The following SLC7A3 variants were observed in gnomAD, a reference collection of about 807,000 sequenced individuals.
SLC7A3 encodes solute carrier family 7 member 3, also known as cationic amino acid transporter 3.
A neutral mutation model predicts 33.2 loss-of-function variants in SLC7A3; 3 were observed. That is an observed-to-expected ratio of 0.09 (90% CI 0.04 to 0.23). SLC7A3 has a LOEUF of 0.23. Among genes scored for constraint, SLC7A3 ranks in the 10% least tolerant of loss-of-function variants. SLC7A3 has a pLI of 1.00. For synonymous variants in SLC7A3, 193 were observed against 195.1 expected, an observed-to-expected ratio of 0.99 and a Z score of 0.09; for missense variants, 360 against 488.8, an observed-to-expected ratio of 0.74 and a Z score of 2.48.
intron 3 of SLC7A3, 52 bp from the exon 4 acceptor site, chrX:70,928,685 G>A (rs746666735): frequency 8.8e-7 from 1 of 1,140,156 alleles, no homozygotes; most frequent in Non-Finnish European, 1.2e-6. Context: ...TCCAAGCTTT[G>A]TTTCCCTGCC....
Position 70,929,743 on chromosome X carries a change from C to T in SLC7A3, c.255G>A (p.Ala85=), listed in dbSNP as rs1283941056. ...LSSVLAGLCY[A]EFGARVPRSG... is the part of the protein sequence containing the mutation. The stretch of plus-strand genomic sequence containing the variant: ...AACGGGGAACCCGGGCACCAAACTC[C>T]GCATAGCACAGCCCAGCCAACACAG... The change falls in exon 2 of 12, where the codon GCG becomes GCA. Residue 85 remains alanine, a synonymous_variant. Transcript: ENST00000374299. 8.3e-6 allele frequency: 10 copies of T among 1,211,266 alleles called. No individual in the cohort carries two copies. The highest frequency in any genetic ancestry group is 1.0e-5 in the Non-Finnish European group (9 of 895,246).
intron 1 of SLC7A3, among the ~76,000 whole-genome samples, 152 bp from the exon 2 acceptor site, chrX:70,930,174 AC>A (rs1442958543): frequency 9.0e-6 from 1 of 111,702 alleles, no homozygotes; most frequent in African/African-American, 3.3e-5. Context: ...TTTACCTCTA[AC>A]CTCAGTTTCT....
Position 70,928,465 on chromosome X carries a change from T to A in SLC7A3, c.698A>T (p.Asp233Val), listed in dbSNP as rs372494167. The A allele has an allele frequency of 3.3e-6, 4 of 1,200,274 alleles. No individual in the cohort carries two copies. In the African/African-American group the frequency reaches 7.0e-5, roughly 21 times the overall value. ...AGAGTGACCATCTAACCTATAGGTG[T>A]CATTGAGTTCAGCCATGGCCAATTC... The part of the protein sequence containing the change: ...DYELAMAELN[D>V]TYSLGPLGSG... The change falls in exon 4 of 12, where the codon GAC becomes GTC. Residue 233 changes from aspartate (D) to valine (V), a missense_variant. Asp to Val is a radical substitution (Grantham distance 152). Transcript: ENST00000374299.
Position 70,926,121 on chromosome X carries a change from T to C in SLC7A3, c.1678A>G (p.Met560Val). The C allele has an allele frequency of 8.3e-7, 1 of 1,211,023 alleles. No individual in the cohort carries two copies. The highest frequency in any genetic ancestry group is 2.3e-4 in the Middle Eastern group (1 of 4,355). The change falls in exon 11 of 12, where the codon ATG becomes GTG. Residue 560 changes from methionine (M) to valine (V), a missense_variant. Met to Val is a conservative substitution (Grantham distance 21, BLOSUM62 1). Transcript: ENST00000374299. ...GCCCAGGTACCAGCTGTCATCTGCA[T>C]CATAAGGTAAATATTCACAAAGATG... ...MSIFVNIYLM[M>V]QMTAGTWARF...
Position 70,928,555 on chromosome X carries a change from A to G in SLC7A3, c.608T>C (p.Phe203Ser), listed in dbSNP as rs1322993820. 1.7e-5 allele frequency: 20 copies of G among 1,204,615 alleles called. No individual in the cohort carries two copies. Among genetic ancestry groups the G allele is most frequent in the Non-Finnish European group, 2.2e-5 (20 of 892,676 alleles). The change falls in exon 4 of 12, where the codon TTC becomes TCC. Residue 203 changes from phenylalanine (F) to serine (S), a missense_variant. Physicochemically the swap from Phe to Ser is radical, Grantham distance 155 (BLOSUM62 -2). Coordinates refer to ENST00000374299, the MANE Select transcript of SLC7A3 (RefSeq NM_032803.6). ...CTTAACGAAGCCAGAGATCATGACG[A>G]ACCCAAGAACCAAAAGGTTCACGCC... ...FTGVNLLVLG[F>S]VMISGFVKGD...
intron 9 of SLC7A3, 70 bp downstream of exon 9, chrX:70,926,805 A>G (rs1435449056): frequency 8.5e-7 from 1 of 1,169,854 alleles, no homozygotes; most frequent in Non-Finnish European, 1.1e-6. Flanking sequence ...TTCCTCAGCC[A>G]CCAAATGCCA....
chrX:70,927,683 T>C, intron 6 of SLC7A3, 60 bp from the exon 7 acceptor site: 6 of 1,179,422 alleles, frequency 5.1e-6, no homozygotes, highest in Non-Finnish European at 6.8e-6. Flanking sequence ...CCCAAGACTG[T>C]ATGTTTAAAG....
intron 2 of SLC7A3, 136 bp downstream of exon 2, chrX:70,929,492 C>A (rs763660424): frequency 1.7e-5 from 13 of 777,885 alleles, no homozygotes; most frequent in South Asian, 1.3e-4. Context: ...CACCCCCCCC[C>A]AGACCCCCAG....
Position 70,928,172 on chromosome X carries a change from C to T in SLC7A3, c.793G>A (p.Val265Ile). The change falls in exon 5 of 12, where the codon GTT (valine) becomes ATT (isoleucine). Residue 265 changes from valine to isoleucine, a missense_variant. By Grantham distance (29) the Val-to-Ile change is conservative. Transcript: ENST00000374299. ...RGAATCFYAF[V>I]GFDCIATTGE... The stretch of plus-strand genomic sequence containing the variant: ...GTGGTAGCAATACAGTCGAAACCAA[C>T]AAATGCATAGAAACAGGTCGCTGCT... The T allele has an allele frequency of 8.3e-7, 1 of 1,211,434 alleles. No individual in the cohort carries two copies. The highest frequency in any genetic ancestry group is 1.1e-6 in the Non-Finnish European group (1 of 895,218).
intron 8 of SLC7A3, 49 bp downstream of exon 8, chrX:70,927,233 C>T: frequency 8.8e-7 from 1 of 1,141,476 alleles, no homozygotes. Context: ...CATCATTCCT[C>T]ATCCAAGAAT....
chrX:70,928,598 C>A lies in SLC7A3; in HGVS notation c.565G>T (p.Val189Phe). Residue 189 changes from valine (V) to phenylalanine (F), a missense_variant, in exon 4 of 12, where the codon GTT becomes TTT. By Grantham distance (50) the Val-to-Phe change is conservative. Transcript: ENST00000374299. ...TTCACGCCTGTGAACACTTTGGTAACCAGGGCCGACTCACTAGCCCCGAGA... is the reference window on the plus strand; with the variant it reads ...TTCACGCCTGTGAACACTTTGGTAAACAGGGCCGACTCACTAGCCCCGAGA... ...LALGASESALVTKVFTGVNLL... is the reference protein window; with the variant it reads ...LALGASESALFTKVFTGVNLL... 8.3e-7 allele frequency: 1 copy of A among 1,206,238 alleles called. No homozygotes were observed. Among genetic ancestry groups the A allele is most frequent in the Non-Finnish European group, 1.1e-6 (1 of 892,960 alleles).
Position 70,929,620 on chromosome X carries a change from T to C in SLC7A3, c.370+8A>G. The C allele has an allele frequency of 2.5e-6, 3 of 1,200,394 alleles. No homozygotes were observed. The highest frequency in any genetic ancestry group is 3.4e-6 in the Non-Finnish European group (3 of 889,479). On this transcript the variant is annotated splice_region_variant and intron_variant, in intron 2 of 11. Transcript: ENST00000374299. Reference sequence around the variant, plus strand: ...GTGCAGTTCCCTCCCTCCCCCACCATATCTCACCAATGACATAGGAGAGGA... The same window carrying C: ...GTGCAGTTCCCTCCCTCCCCCACCACATCTCACCAATGACATAGGAGAGGA...
Position 70,927,885 on chromosome X carries a change from C to T in SLC7A3, c.956G>A (p.Ser319Asn), listed in dbSNP as rs1259717543. Residue 319 changes from serine to asparagine, a missense_variant, in exon 6 of 12, where the codon AGC (serine) becomes AAC (asparagine). Coordinates refer to ENST00000374299, the MANE Select transcript of SLC7A3 (RefSeq NM_032803.6). The stretch of plus-strand genomic sequence containing the variant: ...GTAGAGAAATGCCTCAGGCAAAGGG[C>T]TCTCAGGCTGAAGCTGGTAGTAAGG... Reference protein sequence around the residue: ...MMPYYQLQPESPLPEAFLYIG... With the variant: ...MMPYYQLQPENPLPEAFLYIG... The T allele has an allele frequency of 8.3e-7, 1 of 1,207,751 alleles. No homozygotes were observed. Among genetic ancestry groups the T allele is most frequent in the Non-Finnish European group, 1.1e-6 (1 of 893,381 alleles).
Position 70,927,487 on chromosome X carries a change from C to A in SLC7A3, c.1180G>T (p.Ala394Ser). The change falls in exon 7 of 12, where the codon GCA becomes TCA. Residue 394 changes from alanine (A) to serine (S), a missense_variant. By Grantham distance (99) the Ala-to-Ser change is moderately conservative (BLOSUM62 1). Coordinates refer to ENST00000374299, the MANE Select transcript of SLC7A3 (RefSeq NM_032803.6). Reference protein sequence around the residue: ...IIATVVSGIIAAFMAFLFKLT... With the variant: ...IIATVVSGIISAFMAFLFKLT... ...AAGGGGAAAGAGGGTCTGTTACCTG[C>A]AATAATGCCAGAGACCACGGTGGCT... 8.3e-7 allele frequency: 1 copy of A among 1,211,264 alleles called. No individual in the cohort carries two copies. Among genetic ancestry groups the A allele is most frequent in the South Asian group, 1.8e-5 (1 of 56,823 alleles).
intron 8 of SLC7A3, 62 bp from the exon 9 acceptor site, chrX:70,927,103 C>T: frequency 8.7e-7 from 1 of 1,154,755 alleles, no homozygotes; most frequent in Non-Finnish European, 1.2e-6. Flanking sequence ...CATCTTCTCC[C>T]AGGCAGCTTA....
chrX:70,928,204 A>G lies in SLC7A3; in HGVS notation c.761T>C (p.Leu254Pro). ...ATAGAAACAGGTCGCTGCTCCACGG[A>G]GAATTCCCTCGAAGCCGAAAGGCAC... Reference protein sequence around the residue: ...GFVPFGFEGILRGAATCFYAF... With the variant: ...GFVPFGFEGIPRGAATCFYAF... The change falls in exon 5 of 12, where the codon CTC becomes CCC. Residue 254 changes from leucine to proline, a missense_variant. Coordinates refer to ENST00000374299, the MANE Select transcript of SLC7A3 (RefSeq NM_032803.6). 1 of 1,211,934 alleles carries G rather than the reference A, an allele frequency of 8.3e-7. No individual in the cohort carries two copies. Among genetic ancestry groups the G allele is most frequent in the Non-Finnish European group, 1.1e-6 (1 of 895,505 alleles).
At chrX:70,929,505 A>C in intron 2 of SLC7A3, 123 bp downstream of exon 2, 9 of 854,428 alleles carry the variant, frequency 1.1e-5, no homozygotes, top group East Asian at 4.2e-5. Flanking sequence ...ACCCCCAGCA[A>C]ACCCGCACAT....
Position 70,929,523 on chromosome X carries a change from G to GT in SLC7A3, c.370+104_370+105insA, listed in dbSNP as rs1345016902. The GT allele has an allele frequency of 1.2e-5, 12 of 996,261 alleles. No individual in the cohort carries two copies. In the African/African-American group the frequency reaches 2.2e-4, roughly 18 times the overall value. 82.1% of individuals were successfully genotyped at this position (996,261 alleles called of 1,213,427 possible). A position where few individuals can be genotyped will look rare whatever the true frequency, so the allele number is the denominator to read the frequency against. ...CCCAGCAAACCCGCACATTTAGGGA[G>GT]ATTGAGGTCCTGTGAATAATATAAA... On this transcript the variant is annotated intron_variant, in intron 2 of 11. Transcript: ENST00000374299.
chrX:70,925,938 C>G lies in SLC7A3; in HGVS notation c.1735G>C (p.Ala579Pro). Residue 579 changes from alanine (A) to proline (P), a missense_variant, in exon 12 of 12, where the codon GCT becomes CCT. Coordinates refer to ENST00000374299, the MANE Select transcript of SLC7A3 (RefSeq NM_032803.6). The stretch of plus-strand genomic sequence containing the variant: ...TGGATCCCATAGCCGAAGTAGATAG[C>G]AAAGCCTAGTGGGGAAAGGTAGCTG... ...RFGVWMLIGF[A>P]IYFGYGIQHS... 1 of 1,211,420 alleles carries G rather than the reference C, an allele frequency of 8.3e-7. No homozygotes were observed. The highest frequency in any genetic ancestry group is 1.1e-6 in the Non-Finnish European group (1 of 895,468).
Sources: allele counts gnomAD v4.1 joint callset (sites outside exome capture counted in the v4.1 genomes callset), GRCh38; gene constraint gnomAD v4.1.1; transcripts MANE v1.5; gene names NCBI Gene and HGNC (gene_info 2026-07-23, HGNC 2026-07-21).